The following LRRC49 variants were observed in gnomAD, a reference collection of about 807,000 sequenced individuals.
LRRC49 encodes leucine-rich repeat-containing protein 49.
A neutral mutation model predicts 83.3 loss-of-function variants in LRRC49; 50 were observed. The ratio of observed to expected loss-of-function variants is 0.60; its 90% confidence interval spans 0.48 to 0.76. The LOEUF (loss-of-function observed/expected upper bound fraction) is 0.76. Ranked by LOEUF, LRRC49 falls within the 30% of genes least tolerant of loss-of-function variation. The pLI is 0.00. For synonymous variants in LRRC49, 286 were observed against 283.3 expected (o/e 1.01, Z -0.10); for missense variants, 704 against 809.1 (o/e 0.87, Z 1.58).
chr15:70,915,411 C>T (rs1383127881), intron 6 of LRRC49, among the ~76,000 whole-genome samples: 3 of 152,072 alleles, frequency 2.0e-5, no homozygotes, highest in Admixed American at 6.6e-5. Context: ...GAAAACACAC[C>T]GTGCAGATCA....
chr15:70,972,160 C>CAAG (rs1353767255), intron 9 of LRRC49, among the ~76,000 whole-genome samples: 3 of 152,030 alleles, frequency 2.0e-5, no homozygotes, highest in Admixed American at 6.6e-5. Flanking sequence ...CCTTCAGGAG[C>CAAG]TCTTGTAAGG....
chr15:70,919,608 G>A (rs2034930790), intron 7 of LRRC49, among the ~76,000 whole-genome samples: 1 of 152,206 alleles, frequency 6.6e-6, no homozygotes, highest in Non-Finnish European at 1.5e-5. Flanking sequence ...ATGCTTTGCA[G>A]TTTTTAAAGA....
At chr15:70,995,393 AAATCTAAGCAATATGG>A (rs1329354054) in intron 11 of LRRC49, among the ~76,000 whole-genome samples, 1 of 152,202 alleles carries the variant, frequency 6.6e-6, no homozygotes, top group African/African-American at 2.4e-5. Flanking sequence ...TTAAGTAATG[AAATCTAAGCAATATGG>A]AAGCCATTGT....
chr15:70,986,913 T>C (rs375142791), intron 11 of LRRC49, among the ~76,000 whole-genome samples: 2 of 152,204 alleles, frequency 1.3e-5, no homozygotes, highest in Non-Finnish European at 2.9e-5. Context: ...TTGTCTTTGG[T>C]TCTGTTTATA....
chr15:70,889,368 A>C (rs1013090014), upstream of LRRC49, among the ~76,000 whole-genome samples: 81 of 150,332 alleles, frequency 5.4e-4, 2 homozygotes, highest in Admixed American at 3.7e-3. Context: ...TCCCCCCCCC[A>C]AAAAAAAGCA....
At chr15:70,940,401 C>T (rs1042156799) in intron 8 of LRRC49, among the ~76,000 whole-genome samples, 14 of 152,044 alleles carry the variant, frequency 9.2e-5, no homozygotes, top group African/African-American at 1.4e-4. Flanking sequence ...GGACTACAGG[C>T]GCCCGCCACC....
chr15:71,008,519 C>T lies in LRRC49; in HGVS notation c.1310C>T (p.Thr437Ile), dbSNP rs750104288. The part of the protein sequence containing the change: ...ESLDRNWSVQ[T>I]AGMITTVSFT... ...CTGGATAGGAATTGGAGTGTTCAAA[C>T]AGCAGGAATGATCACAACAGTCTCC... The change falls in exon 12 of 16, where the codon ACA becomes ATA. Residue 437 changes from threonine (T) to isoleucine (I), a missense_variant. Around this residue, in one of 3 missense-constraint regions of LRRC49, gnomAD observed 275 missense variants for 338.0 expected, o/e 0.81. Coordinates refer to ENST00000260382, the MANE Select transcript of LRRC49 (RefSeq NM_017691.5). The T allele has an allele frequency of 1.2e-6, 2 of 1,612,772 alleles. No homozygotes were observed. Among genetic ancestry groups the T allele is most frequent in the South Asian group, 1.1e-5 (1 of 91,032 alleles).
chr15:70,894,714 T>C, intron 2 of LRRC49: 1 of 839,644 alleles, frequency 1.2e-6, no homozygotes, highest in Non-Finnish European at 1.7e-6. Context: ...GGAAGAACTC[T>C]AAAGTGAAGG....
intron 14 of LRRC49, among the ~76,000 whole-genome samples, chr15:71,024,102 C>T (rs1011994067): frequency 2.6e-5 from 4 of 152,214 alleles, no homozygotes; most frequent in African/African-American, 9.6e-5. Flanking sequence ...TAGGGACAGA[C>T]CTCTGATCTC....
At chr15:70,872,868 A>G in intron 1 of LRRC49, 1 of 228,672 alleles carries the variant, frequency 4.4e-6, no homozygotes, top group Non-Finnish European at 8.9e-6. Flanking sequence ...AAAATATCTT[A>G]TAAACTTGAC....
chr15:71,040,668 A>G (rs1033881539), intron 15 of LRRC49, among the ~76,000 whole-genome samples: 4 of 151,676 alleles, frequency 2.6e-5, no homozygotes, highest in African/African-American at 7.3e-5. Context: ...AAATGCAAAA[A>G]AATTAGCCGG....
intron 14 of LRRC49, among the ~76,000 whole-genome samples, chr15:71,031,827 G>A (rs1338136053): frequency 6.6e-6 from 1 of 152,092 alleles, no homozygotes; most frequent in East Asian, 1.9e-4. Context: ...CCTCAGTAAT[G>A]GTGGACACCC....
At chr15:71,048,891 C>T (rs2141316587) in intron 15 of LRRC49, 1 of 454,984 alleles carries the variant, frequency 2.2e-6, no homozygotes, top group East Asian at 7.0e-5. Flanking sequence ...TTCCCCCCAA[C>T]TTTCTCCAAA....
intron 14 of LRRC49, among the ~76,000 whole-genome samples, chr15:71,033,049 A>G (rs1271042256): frequency 6.6e-6 from 1 of 152,176 alleles, no homozygotes; most frequent in Admixed American, 6.5e-5. Context: ...GCGTATTCAA[A>G]AAGGAAGAGA....
intron 14 of LRRC49, among the ~76,000 whole-genome samples, chr15:71,027,343 T>G (rs1458374412): frequency 2.6e-5 from 4 of 152,200 alleles, no homozygotes; most frequent in Non-Finnish European, 5.9e-5. Flanking sequence ...TTGGTTACTG[T>G]AGCCTTGTAG....
chr15:70,989,212 G>C (rs1465720219), intron 11 of LRRC49, among the ~76,000 whole-genome samples: 1 of 152,098 alleles, frequency 6.6e-6, no homozygotes, highest in Admixed American at 6.5e-5. Flanking sequence ...AGTTCTCCTG[G>C]ATAATATCCT....
chr15:70,910,019 T>C (rs2034486808), intron 5 of LRRC49, among the ~76,000 whole-genome samples: 1 of 152,048 alleles, frequency 6.6e-6, no homozygotes, highest in African/African-American at 2.4e-5. Context: ...GTCCAGTGAG[T>C]CCGGAAGAAT....
chr15:71,048,512 A>G (rs1318868323), intron 15 of LRRC49, among the ~76,000 whole-genome samples: 1 of 152,136 alleles, frequency 6.6e-6, no homozygotes. Context: ...TCTCATTGAC[A>G]TTTATTACTT....
rs896193430 is a variant in LRRC49, at chr15:70,980,136, A to C, written c.957A>C (p.Lys319Asn). 10 of 1,612,556 alleles carry C rather than the reference A, an allele frequency of 6.2e-6. No homozygotes were observed. The highest frequency in any genetic ancestry group is 8.5e-6 in the Non-Finnish European group (10 of 1,179,294). ...EERRMASVLA[K>N]KEEEKKRESH... Reference sequence around the variant, plus strand: ...GGCGTATGGCATCTGTTTTAGCCAAAAAAGAGGAAGAGAAGAAGCGGGAAA... The same window carrying C: ...GGCGTATGGCATCTGTTTTAGCCAACAAAGAGGAAGAGAAGAAGCGGGAAA... The change falls in exon 10 of 16, where the codon AAA becomes AAC. Residue 319 changes from lysine to asparagine, a missense_variant. Transcript: ENST00000260382.
Sources: gnomAD v4.1 joint callset for allele counts (sites outside exome capture counted in the v4.1 genomes callset) on GRCh38, gnomAD v4.1.1 for gene constraint, gnomAD v4.1.1 regional missense constraint, MANE v1.5 for transcripts, NCBI Gene and HGNC (gene_info 2026-07-23, HGNC 2026-07-21) for gene names.